Variants in SLC7A7 observed in about 807,000 individuals in gnomAD.
SLC7A7 encodes solute carrier family 7 member 7.
In SLC7A7, 39 loss-of-function variants were observed where a neutral mutation model predicts 47.9. The observed-to-expected ratio is 0.81, with a 90% CI of 0.63 to 1.06. SLC7A7 has a LOEUF of 1.06. Among genes scored for constraint, SLC7A7 ranks in the 50% least tolerant of loss-of-function variants. SLC7A7 has a pLI of 0.00. For synonymous variants in SLC7A7, 234 were observed against 242.8 expected (o/e 0.96, Z 0.34); for missense variants, 588 against 632.0 (o/e 0.93, Z 0.75).
At chr14:22,796,502 C>T (rs1042755123) in intron 2 of SLC7A7, among the ~76,000 whole-genome samples, 4 of 152,282 alleles carry the variant, frequency 2.6e-5, no homozygotes, top group Admixed American at 2.0e-4. Context: ...TTGAAGAACC[C>T]ACTACATGCA....
rs762598998 is a variant in SLC7A7 at position 22,775,506 on chromosome 14, G to C, written c.1033C>G (p.Pro345Ala). 2.5e-6 allele frequency: 4 copies of C among 1,614,192 alleles called. No individual in the cohort carries two copies. The highest frequency in any genetic ancestry group is 3.4e-6 in the Non-Finnish European group (4 of 1,180,018). The stretch of plus-strand genomic sequence containing the variant: ...ACATGGATCATGCAGATGGCATCAG[G>C]GAGATGGCCTTCTCTTGAGCCCACA... ...FFVGSREGHL[P>A]DAICMIHVER... The change falls in exon 7 of 10, where the codon CCT (proline) becomes GCT (alanine). Residue 345 changes from proline to alanine, a missense_variant. Coordinates refer to ENST00000674313, the MANE Select transcript of SLC7A7 (RefSeq NM_003982.4).
At chr14:22,791,826 T>C (rs992761242) in intron 2 of SLC7A7, among the ~76,000 whole-genome samples, 62 of 121,368 alleles carry the variant, frequency 5.1e-4, no homozygotes, top group Non-Finnish European at 7.4e-4. Flanking sequence ...GGAAAATCTC[T>C]ACACCTTTTT....
At chr14:22,793,084 T>A (rs1255114519) in intron 2 of SLC7A7, among the ~76,000 whole-genome samples, 2 of 151,612 alleles carry the variant, frequency 1.3e-5, no homozygotes, top group Non-Finnish European at 2.9e-5. Flanking sequence ...GCCCAGCTAA[T>A]TTTTTGTATT....
At chr14:22,799,223 G>T (rs1223748925) in intron 2 of SLC7A7, among the ~76,000 whole-genome samples, 3 of 152,016 alleles carry the variant, frequency 2.0e-5, no homozygotes, top group Non-Finnish European at 4.4e-5. Context: ...TTGGACACAG[G>T]TAGTCATTCA....
intron 2 of SLC7A7, among the ~76,000 whole-genome samples, chr14:22,786,540 G>A (rs1044843960): frequency 5.3e-5 from 8 of 152,204 alleles, no homozygotes; most frequent in African/African-American, 1.2e-4. Flanking sequence ...CCGTGTTGCC[G>A]ACTACGGAGT....
Position 22,779,515 on chromosome 14 carries a change from C to T in SLC7A7, c.625+411G>A, listed in dbSNP as rs530338897. Among the ~76,000 whole-genome samples, 8 of 151,340 alleles carry T rather than the reference C, an allele frequency of 5.3e-5. No homozygotes were observed. In the South Asian group the frequency reaches 6.3e-4, roughly 12 times the overall value. On this transcript the variant is annotated intron_variant, in intron 3 of 9. Coordinates refer to ENST00000674313, the MANE Select transcript of SLC7A7 (RefSeq NM_003982.4). Reference sequence around the variant, plus strand: ...TGTCGCCCAGGCTGGAGTGCAGTGGCGTGATCTCAGCTCACTGCAACCACC... The same window carrying T: ...TGTCGCCCAGGCTGGAGTGCAGTGGTGTGATCTCAGCTCACTGCAACCACC...
At position 22,791,567 on chromosome 14, in the gene SLC7A7, G is replaced by A. The variant is rs948063145; in HGVS notation, c.500-11516C>T. Among the ~76,000 whole-genome samples, 4 of 152,230 alleles carry A rather than the reference G, an allele frequency of 2.6e-5. No homozygotes were observed. In the East Asian group the frequency reaches 5.8e-4, roughly 22 times the overall value. On this transcript the variant is annotated intron_variant, in intron 2 of 9. Transcript: ENST00000674313. The stretch of plus-strand genomic sequence containing the variant: ...TGCTCAGAAAAACTGCACATTTCTA[G>A]GTTAGGCTGGGTCTGTGTATAGTCA...
rs1291804749 is a variant in SLC7A7 at position 22,813,096 on chromosome 14, C to A, written c.303G>T (p.Gly101=). 6.2e-7 allele frequency: 1 copy of A among 1,614,100 alleles called. No individual in the cohort carries two copies. The highest frequency in any genetic ancestry group is 1.3e-5 in the African/African-American group (1 of 75,002). The change falls in exon 2 of 10, where the codon GGG becomes GGT. Residue 101 remains glycine, a synonymous_variant. Transcript: ENST00000674313. ...AELGTTIKKS[G]ASYAYILEAF... is the part of the protein sequence containing the mutation. ...CCTCCAGGATATAGGCATAGCTGGCCCCAGATTTCTTAATGGTGGTGCCCA... is the reference window on the plus strand; with the variant it reads ...CCTCCAGGATATAGGCATAGCTGGCACCAGATTTCTTAATGGTGGTGCCCA...
chr14:22,808,818 C>A (rs1247488469), intron 2 of SLC7A7, among the ~76,000 whole-genome samples: 1 of 152,164 alleles, frequency 6.6e-6, no homozygotes, highest in Non-Finnish European at 1.5e-5. Context: ...AGTAATATTT[C>A]ATTTATCTAA....
intron 2 of SLC7A7, among the ~76,000 whole-genome samples, chr14:22,792,240 C>G (rs1338181488): frequency 6.6e-6 from 1 of 152,104 alleles, no homozygotes; most frequent in African/African-American, 2.4e-5. Context: ...TAGCAGATGG[C>G]CTTCAAATTA....
At chr14:22,818,348 C>T (rs920620845), upstream of SLC7A7, among the ~76,000 whole-genome samples, 2 of 152,058 alleles carry the variant, frequency 1.3e-5, no homozygotes, top group East Asian at 1.9e-4. Context: ...TCTGCCCGTG[C>T]GCACTAGGCA....
At chr14:22,778,335 G>A (rs2038654372) in intron 4 of SLC7A7, among the ~76,000 whole-genome samples, 1 of 152,088 alleles carries the variant, frequency 6.6e-6, no homozygotes, top group Admixed American at 6.6e-5. Flanking sequence ...AATAATGGTA[G>A]GGTGACTTAA....
At position 22,812,975 on chromosome 14, in the gene SLC7A7, A is replaced by C. The variant is rs1566464055; in HGVS notation, c.424T>G (p.Tyr142Asp). The change falls in exon 2 of 10, where the codon TAC becomes GAC. Residue 142 changes from tyrosine (Y) to aspartate (D), a missense_variant. Coordinates refer to ENST00000674313, the MANE Select transcript of SLC7A7 (RefSeq NM_003982.4). ...QAIIAITFANYMVQPLFPSCF... is the reference protein window; with the variant it reads ...QAIIAITFANDMVQPLFPSCF... ...CTCGGGAAGAGAGGCTGTACCATGT[A>C]GTTGGCAAAGGTGATGGCAATGATG... 1.2e-6 allele frequency: 2 copies of C among 1,613,978 alleles called. No individual in the cohort carries two copies. Among genetic ancestry groups the C allele is most frequent in the Non-Finnish European group, 1.7e-6 (2 of 1,180,002 alleles).
At chr14:22,818,857 G>T (rs1412013953), upstream of SLC7A7, among the ~76,000 whole-genome samples, 1 of 152,060 alleles carries the variant, frequency 6.6e-6, no homozygotes, top group Non-Finnish European at 1.5e-5. Context: ...CTCCCAAAGT[G>T]CTGGGATTAA....
In SLC7A7 at chr14:22,775,833, C is replaced by G; in HGVS notation, c.998G>C (p.Arg333Thr). 6.2e-7 allele frequency: 1 copy of G among 1,612,716 alleles called. No individual in the cohort carries two copies. Among genetic ancestry groups the G allele is most frequent in the Non-Finnish European group, 8.5e-7 (1 of 1,178,720 alleles). The stretch of plus-strand genomic sequence containing the variant: ...CCCTCACAAAAGTTGCCACTCTTAC[C>G]TAGAAGCAGCCACAATGGAGGCATT... ...GLNASIVAASRLFFVGSREGH... is the reference protein window; with the variant it reads ...GLNASIVAASTLFFVGSREGH... Residue 333 changes from arginine (R) to threonine (T), a missense_variant and splice_region_variant, in exon 6 of 10, where the codon AGG becomes ACG. By Grantham distance (71) the Arg-to-Thr change is moderately conservative. Coordinates refer to ENST00000674313, the MANE Select transcript of SLC7A7 (RefSeq NM_003982.4).
intron 2 of SLC7A7, among the ~76,000 whole-genome samples, chr14:22,806,568 T>C (rs2039213513): frequency 6.6e-6 from 1 of 152,000 alleles, no homozygotes; most frequent in South Asian, 2.1e-4. Context: ...CTATTTTAGA[T>C]GGCAGCCCCA....
upstream of SLC7A7, among the ~76,000 whole-genome samples, chr14:22,819,091 G>C (rs973689208): frequency 7.9e-5 from 12 of 152,136 alleles, no homozygotes; most frequent in African/African-American, 2.9e-4. Context: ...AGCCAATGGA[G>C]CCCCTCACCC....
At chr14:22,797,429 T>C (rs1268098112) in intron 2 of SLC7A7, among the ~76,000 whole-genome samples, 1 of 152,222 alleles carries the variant, frequency 6.6e-6, no homozygotes, top group Admixed American at 6.5e-5. Context: ...CATTCATTCA[T>C]TAAGCTTATA....
intron 7 of SLC7A7, 100 bp from the exon 8 acceptor site, chr14:22,774,603 C>T (rs1272409947): frequency 3.4e-6 from 5 of 1,490,088 alleles, no homozygotes; most frequent in South Asian, 1.1e-5. Context: ...TGTCAATCCT[C>T]AAAGTCTCCT....
Sources: allele counts gnomAD v4.1 joint callset (sites outside exome capture counted in the v4.1 genomes callset), GRCh38; gene constraint gnomAD v4.1.1; transcripts MANE v1.5; gene names NCBI Gene and HGNC (gene_info 2026-07-23, HGNC 2026-07-21).